The following LYPD6B variants were observed in gnomAD, a reference collection of about 807,000 sequenced individuals.
LYPD6B encodes ly6/PLAUR domain-containing protein 6B.
A neutral mutation model predicts 22.8 loss-of-function variants in LYPD6B; 17 were observed. The observed-to-expected ratio is 0.75, with a 90% confidence interval of 0.51 to 1.12. LYPD6B has a LOEUF of 1.12. Ranked by LOEUF, LYPD6B falls within the 50% of genes most tolerant of loss-of-function variation. The probability of loss-of-function intolerance (pLI) is 0.00; values close to 1 mark genes in which losing one functional copy is unlikely to be tolerated. For synonymous variants in LYPD6B, 106 were observed against 91.6 expected, an observed-to-expected ratio of 1.16 and a Z score of -0.90; for missense variants, 221 against 258.3, an observed-to-expected ratio of 0.86 and a Z score of 0.99.
intron 1 of LYPD6B, chr2:149,101,035 C>T (rs938163224): frequency 1.3e-5 from 2 of 152,190 alleles, no homozygotes; most frequent in African/African-American, 4.8e-5. Flanking sequence ...TTTACTTAAA[C>T]AATAGACCCT....
At chr2:149,137,243 T>C (rs979338721) in intron 2 of LYPD6B, among the ~76,000 whole-genome samples, 1 of 152,208 alleles carries the variant, frequency 6.6e-6, no homozygotes, top group East Asian at 1.9e-4. Context: ...AGTTAGTGTA[T>C]ATATCAAAGC....
rs1254480020 is a variant in LYPD6B at position 149,160,799 on chromosome 2, C to G, written c.41C>G (p.Pro14Arg). 1 of 1,556,412 alleles carries G rather than the reference C, an allele frequency of 6.4e-7. No individual in the cohort carries two copies. The highest frequency in any genetic ancestry group is 1.9e-5 in the Admixed American group (1 of 51,736). The change falls in exon 3 of 7, where the codon CCA (proline) becomes CGA (arginine). Residue 14 changes from proline (P) to arginine (R), a missense_variant. Coordinates refer to ENST00000409642, the MANE Select transcript of LYPD6B (RefSeq NM_177964.5). ...ITLSANLFTV[P>R]ERSLTTTFSF... ...CTGAGTGCAAACCTTTTCACTGTTC[C>G]AGAGAGGAGCCTGACAACCACATTC...
chr2:149,210,806 A>G (rs1693801077), intron 5 of LYPD6B, among the ~76,000 whole-genome samples: 1 of 152,234 alleles, frequency 6.6e-6, no homozygotes, highest in Non-Finnish European at 1.5e-5. Flanking sequence ...TGTTTTCTCC[A>G]GAACTTTTAG....
chr2:149,055,623 T>C (rs1344967794), intron 1 of LYPD6B, among the ~76,000 whole-genome samples: 1 of 152,224 alleles, frequency 6.6e-6, no homozygotes, highest in Non-Finnish European at 1.5e-5. Context: ...ATTCCTGCTT[T>C]ATCTTTTCTG....
intron 2 of LYPD6B, among the ~76,000 whole-genome samples, chr2:149,133,571 A>G (rs148835556): frequency 7.1e-4 from 108 of 152,362 alleles, no homozygotes; most frequent in Non-Finnish European, 1.2e-3. Flanking sequence ...TTTCAAGAGT[A>G]TCAGAACCAC....
At chr2:149,052,670 C>G (rs116699713) in intron 1 of LYPD6B, among the ~76,000 whole-genome samples, 1 of 152,172 alleles carries the variant, frequency 6.6e-6, no homozygotes, top group Non-Finnish European at 1.5e-5. Context: ...TGAACACCAG[C>G]CCCACTGCTG....
chr2:149,176,954 T>G (rs1691352905), intron 3 of LYPD6B, among the ~76,000 whole-genome samples: 1 of 152,224 alleles, frequency 6.6e-6, no homozygotes, highest in Non-Finnish European at 1.5e-5. Context: ...ATGTCCCTGG[T>G]CATCTAAACA....
At chr2:149,114,320 A>G (rs1247169548) in intron 1 of LYPD6B, among the ~76,000 whole-genome samples, 4 of 152,206 alleles carry the variant, frequency 2.6e-5, no homozygotes, top group Non-Finnish European at 5.9e-5. Flanking sequence ...GGAATCTAGG[A>G]TATACATTTC....
chr2:149,145,741 G>A (rs1688981157), intron 2 of LYPD6B, among the ~76,000 whole-genome samples: 1 of 152,174 alleles, frequency 6.6e-6, no homozygotes, highest in Admixed American at 6.5e-5. Context: ...AGACTTCTCA[G>A]GAAGCTCTGT....
chr2:149,126,535 G>A (rs554814541), intron 1 of LYPD6B, among the ~76,000 whole-genome samples: 2 of 152,098 alleles, frequency 1.3e-5, no homozygotes, highest in East Asian at 1.9e-4. Context: ...ACGGATAAAG[G>A]TCCTCATCCT....
chr2:149,120,333 ATATGTG>A, intron 1 of LYPD6B, among the ~76,000 whole-genome samples: 1 of 131,160 alleles, frequency 7.6e-6, no homozygotes, highest in East Asian at 2.3e-4. Context: ...GTGTATATAT[ATATGTG>A]TATATATATA....
chr2:149,121,318 T>A (rs1687341965), intron 1 of LYPD6B, among the ~76,000 whole-genome samples: 1 of 152,182 alleles, frequency 6.6e-6, no homozygotes, highest in African/African-American at 2.4e-5. Flanking sequence ...TTCGCTTTTG[T>A]TTTTTATGCA....
At chr2:149,180,800 A>C (rs535365349) in intron 3 of LYPD6B, among the ~76,000 whole-genome samples, 12 of 152,310 alleles carry the variant, frequency 7.9e-5, no homozygotes, top group African/African-American at 2.9e-4. Context: ...CCCGGAAAGA[A>C]TCCTGGCCCT....
At chr2:149,142,327 C>A (rs1688746085) in intron 2 of LYPD6B, 1 of 152,148 alleles carries the variant, frequency 6.6e-6, no homozygotes, top group African/African-American at 2.4e-5. Flanking sequence ...TTGGGAGGTG[C>A]ACCCGAAGAA....
rs995138330 is a variant in LYPD6B at position 149,135,328 on chromosome 2, A to AT, written c.5+4383dup. ...CCCTTTGTAATGTCAATTGTAAACT[A>AT]TTTTTTTTGTAAGTTTTGAGAATTC... On this transcript the variant is annotated intron_variant, in intron 2 of 6. Transcript: ENST00000409642. 1.3e-4 allele frequency among the ~76,000 whole-genome samples: 20 copies of AT among 151,380 alleles called. 1 individual carries two copies. Among genetic ancestry groups the AT allele is most frequent in the African/African-American group, 3.9e-4 (16 of 41,252 alleles).
At chr2:149,042,280 A>G (rs968004333) in intron 1 of LYPD6B, among the ~76,000 whole-genome samples, 1 of 152,218 alleles carries the variant, frequency 6.6e-6, no homozygotes, top group Non-Finnish European at 1.5e-5. Flanking sequence ...TCCTATTTTC[A>G]TCTGAAATGT....
intron 3 of LYPD6B, among the ~76,000 whole-genome samples, chr2:149,171,988 C>A (rs938670954): frequency 3.9e-5 from 6 of 152,076 alleles, no homozygotes; most frequent in African/African-American, 1.4e-4. Flanking sequence ...TTTCCGTATG[C>A]CTCTGTATTA....
chr2:149,108,537 C>T (rs928737061), intron 1 of LYPD6B, among the ~76,000 whole-genome samples: 8 of 152,142 alleles, frequency 5.3e-5, no homozygotes, highest in Non-Finnish European at 7.4e-5. Context: ...TGACTAGTGA[C>T]AGAATTGTGA....
At position 149,061,965 on chromosome 2, in the gene LYPD6B, G is replaced by C. The variant is rs188471389; in HGVS notation, c.-67+23164G>C. On this transcript the variant is annotated intron_variant, in intron 1 of 6. Coordinates refer to ENST00000409642, the MANE Select transcript of LYPD6B (RefSeq NM_177964.5). ...TTCAGGGATAGGAAGGAGAAACATC[G>C]TAGAATCTTTTTTTTTTTTTTGAGA... Among the ~76,000 whole-genome samples the C allele has an allele frequency of 1.1e-3, 167 of 151,290 alleles. 1 individual carries two copies. Among genetic ancestry groups the C allele is most frequent in the African/African-American group, 3.4e-3 (138 of 41,076 alleles).
Sources: gnomAD v4.1 joint callset for allele counts (sites outside exome capture counted in the v4.1 genomes callset) on GRCh38, gnomAD v4.1.1 for gene constraint, MANE v1.5 for transcripts, NCBI Gene and HGNC (gene_info 2026-07-23, HGNC 2026-07-21) for gene names.